Variants in LRP2 observed in about 807,000 individuals in gnomAD.
LRP2 encodes low-density lipoprotein receptor-related protein 2.
A neutral mutation model predicts 531.0 loss-of-function variants in LRP2; 172 were observed. That is an observed-to-expected ratio of 0.32 (90% CI 0.29 to 0.37). The LOEUF (loss-of-function observed/expected upper bound fraction) is 0.37. LRP2 is among the 10% of genes least tolerant of loss of function. The pLI is 1.00. For synonymous variants in LRP2, 1,992 were observed against 2,027.6 expected, an observed-to-expected ratio of 0.98 and a Z score of 0.47; for missense variants, 5,167 against 5,868.3, an observed-to-expected ratio of 0.88 and a Z score of 3.90.
intron 4 of LRP2, among the ~76,000 whole-genome samples, chr2:169,300,272 A>G (rs1684255578): frequency 1.3e-5 from 2 of 152,114 alleles, no homozygotes; most frequent in Non-Finnish European, 2.9e-5. Flanking sequence ...AACTTGCAAA[A>G]ATAGAGCTGG....
At chr2:169,172,997 G>A in intron 57 of LRP2, 99 bp downstream of exon 57, 1 of 1,478,158 alleles carries the variant, frequency 6.8e-7, no homozygotes. Flanking sequence ...ACAAAGAAAA[G>A]ATGACATGGG....
chr2:169,333,196 T>G (rs550575506), intron 1 of LRP2, among the ~76,000 whole-genome samples: 1 of 152,240 alleles, frequency 6.6e-6, no homozygotes, highest in African/African-American at 2.4e-5. Context: ...TTACACAATA[T>G]TTTTGTATTT....
At chr2:169,360,646 A>C (rs1426744388) in intron 1 of LRP2, among the ~76,000 whole-genome samples, 1 of 152,168 alleles carries the variant, frequency 6.6e-6, no homozygotes, top group Non-Finnish European at 1.5e-5. Flanking sequence ...CATGAGATAC[A>C]ACCCTAAGCA....
In LRP2 at chr2:169,166,073, A is replaced by G; in HGVS notation, c.11636-19T>C. The G allele has an allele frequency of 4.3e-6, 7 of 1,613,548 alleles. No individual in the cohort carries two copies. Among genetic ancestry groups the G allele is most frequent in the Non-Finnish European group, 5.9e-6 (7 of 1,179,554 alleles). ...ACATCCACTGAAAGGAAAGATAGAA[A>G]AATGAAATTACAAGTTAACAGTAGA... On this transcript the variant is annotated intron_variant, in intron 61 of 78. Transcript: ENST00000649046.
intron 76 of LRP2, among the ~76,000 whole-genome samples, chr2:169,132,965 G>C (rs572950104): frequency 6.6e-6 from 1 of 152,198 alleles, no homozygotes; most frequent in Admixed American, 6.5e-5. Flanking sequence ...AATTTCTACT[G>C]TATTCTCTAT....
intron 52 of LRP2, among the ~76,000 whole-genome samples, chr2:169,180,033 G>T (rs1031840162): frequency 1.3e-5 from 2 of 152,016 alleles, no homozygotes; most frequent in Non-Finnish European, 2.9e-5. Context: ...TTATCAAAAA[G>T]TGAACAGAAT....
intron 31 of LRP2, among the ~76,000 whole-genome samples, chr2:169,230,489 ATTCTAGATTAGGACTAAATTTCC>A (rs1689359398): frequency 6.6e-6 from 1 of 152,222 alleles, no homozygotes; most frequent in Non-Finnish European, 1.5e-5. Context: ...TATATTTTCC[ATTCTAGATTAGGACTAAATTTCC>A]TTCTAGATTA....
At chr2:169,212,915 T>C (rs1252508095) in intron 36 of LRP2, among the ~76,000 whole-genome samples, 2 of 150,870 alleles carry the variant, frequency 1.3e-5, no homozygotes, top group African/African-American at 2.4e-5. Flanking sequence ...CAAAAACCTA[T>C]GGAAAAATAA....
At position 169,127,794 on chromosome 2, in the gene LRP2, G is replaced by A. The variant is rs1389015595; in HGVS notation, c.*869C>T. On this transcript the variant is annotated 3_prime_UTR_variant, in exon 79 of 79. Coordinates refer to ENST00000649046, the MANE Select transcript of LRP2 (RefSeq NM_004525.3). ...CTTATTTTATGAAGACACAGATTTG[G>A]TTTCAGAAATTCAGCTACTGAGCTC... 1 of 151,550 alleles carries A rather than the reference G, an allele frequency of 6.6e-6. No individual in the cohort carries two copies. Among genetic ancestry groups the A allele is most frequent in the African/African-American group, 2.4e-5 (1 of 41,050 alleles). 9.4% of individuals were successfully genotyped at this position (151,550 alleles called of 1,614,324 possible). A position where few individuals can be genotyped will look rare whatever the true frequency, so the allele number is the denominator to read the frequency against.
At chr2:169,232,443 G>C (rs1161848550) in intron 30 of LRP2, among the ~76,000 whole-genome samples, 1 of 152,120 alleles carries the variant, frequency 6.6e-6, no homozygotes, top group Non-Finnish European at 1.5e-5. Context: ...TCATTCACCA[G>C]AAAAATGGTA....
At chr2:169,235,491 G>A (rs529329753) in intron 29 of LRP2, among the ~76,000 whole-genome samples, 2 of 151,970 alleles carry the variant, frequency 1.3e-5, no homozygotes, top group Non-Finnish European at 2.9e-5. Context: ...CACCCACCTC[G>A]GCCTCCCAAA....
chr2:169,210,231 A>G (rs1688547184), intron 37 of LRP2, among the ~76,000 whole-genome samples: 1 of 152,170 alleles, frequency 6.6e-6, no homozygotes, highest in Non-Finnish European at 1.5e-5. Flanking sequence ...GCCAAAACCA[A>G]TGGGTAAAAG....
intron 1 of LRP2, among the ~76,000 whole-genome samples, chr2:169,357,285 TTTATTTTTATTTTATTTTATTTTATTTTA>T (rs1686016022): frequency 1.4e-5 from 2 of 146,004 alleles, no homozygotes; most frequent in South Asian, 2.1e-4. Context: ...TTCTTTTTTA[TTTATTTTTATTTTATTTTATTTTATTTTA>T]TTTTATTTTA....
rs1690033874 is a variant in LRP2 at position 169,246,987 on chromosome 2, C to A, written c.2909-1G>T. ...GTGGGTTGATTACAGGCGTTAGAACCTGCAAAAGCAAAGCCCCGAGGGAGT... is the reference window on the plus strand; with the variant it reads ...GTGGGTTGATTACAGGCGTTAGAACATGCAAAAGCAAAGCCCCGAGGGAGT... On this transcript the variant is annotated splice_acceptor_variant, in intron 20 of 78. Transcript: ENST00000649046. LOFTEE classifies it high-confidence loss of function. 1.2e-6 allele frequency: 2 copies of A among 1,613,910 alleles called. No individual in the cohort carries two copies. The highest frequency in any genetic ancestry group is 2.7e-5 in the African/African-American group (2 of 74,920).
rs552948380 is a variant in LRP2, at chr2:169,202,025, T to A, written c.8210-155A>T. 5.3e-5 allele frequency among the ~76,000 whole-genome samples: 8 copies of A among 152,148 alleles called. No individual in the cohort carries two copies. The South Asian group carries it at 1.7e-3, about 32-fold the overall frequency. Reference sequence around the variant, plus strand: ...CTGCATGCAAAGTGAGATAACACTTTTAATTAGTTAGATTAAGCAAAATAT... The same window carrying A: ...CTGCATGCAAAGTGAGATAACACTTATAATTAGTTAGATTAAGCAAAATAT... On this transcript the variant is annotated intron_variant, in intron 43 of 78. Coordinates refer to ENST00000649046, the MANE Select transcript of LRP2 (RefSeq NM_004525.3).
intron 1 of LRP2, among the ~76,000 whole-genome samples, chr2:169,360,826 G>A (rs1439221343): frequency 6.6e-6 from 1 of 152,196 alleles, no homozygotes; most frequent in African/African-American, 2.4e-5. Flanking sequence ...TTCCCAGGAA[G>A]TCTGAAATGG....
At chr2:169,311,651 T>C (rs1684601404) in intron 3 of LRP2, among the ~76,000 whole-genome samples, 1 of 152,194 alleles carries the variant, frequency 6.6e-6, no homozygotes, top group South Asian at 2.1e-4. Flanking sequence ...AAGTGCAATG[T>C]GGTGCTGAGA....
At chr2:169,280,717 G>A (rs1277899512) in intron 10 of LRP2, among the ~76,000 whole-genome samples, 198 bp from the exon 11 acceptor site, 1 of 152,160 alleles carries the variant, frequency 6.6e-6, no homozygotes, top group African/African-American at 2.4e-5. Flanking sequence ...GCACAAAAAG[G>A]CTTAATGAAG....
intron 38 of LRP2, 133 bp downstream of exon 38, chr2:169,209,320 A>G: frequency 3.8e-6 from 3 of 782,826 alleles, no homozygotes; most frequent in Non-Finnish European, 6.8e-6. Context: ...ATCTAGATTC[A>G]ATGTATCTTA....
Sources: allele counts gnomAD v4.1 joint callset (sites outside exome capture counted in the v4.1 genomes callset), GRCh38; gene constraint gnomAD v4.1.1; transcripts MANE v1.5; gene names NCBI Gene and HGNC (gene_info 2026-07-23, HGNC 2026-07-21).